FUBP3: variants seen among roughly 807,000 people sequenced by gnomAD.
FUBP3 encodes far upstream element binding protein 3, also known as far upstream element-binding protein 3.
FUBP3 carries 28 observed loss-of-function variants against 85.6 expected under a neutral mutation model. The ratio of observed to expected loss-of-function variants is 0.33; its 90% CI spans 0.24 to 0.45. The LOEUF is 0.45. Among genes scored for constraint, FUBP3 ranks in the 20% least tolerant of loss-of-function variants. The pLI, the probability that FUBP3 is intolerant of heterozygous loss-of-function variation, is 1.00. For missense variants in FUBP3, 583 were observed against 755.1 expected (o/e 0.77, Z 2.67); for synonymous variants, 271 against 271.4 (o/e 1.00, Z 0.01).
chr9:130,590,357 C>T (rs1017141320), intron 1 of FUBP3, among the ~76,000 whole-genome samples: 1 of 152,222 alleles, frequency 6.6e-6, no homozygotes, highest in Admixed American at 6.5e-5. Context: ...GGACTGTTGA[C>T]TGATTCCTGG....
intron 2 of FUBP3, among the ~76,000 whole-genome samples, chr9:130,604,551 A>G (rs567649673): frequency 1.3e-5 from 2 of 152,262 alleles, no homozygotes; most frequent in South Asian, 4.1e-4. Context: ...ACCTGATGAT[A>G]CCTGCCTCAT....
At chr9:130,628,903 T>G (rs993099525) in intron 12 of FUBP3, among the ~76,000 whole-genome samples, 21 of 152,166 alleles carry the variant, frequency 1.4e-4, no homozygotes, top group African/African-American at 4.3e-4. Context: ...CCGAGTAGCT[T>G]GGATTACAGG....
intron 2 of FUBP3, among the ~76,000 whole-genome samples, chr9:130,602,137 C>T (rs1387970602): frequency 6.6e-6 from 1 of 152,082 alleles, no homozygotes; most frequent in Non-Finnish European, 1.5e-5. Context: ...TTCTGAGTAG[C>T]ATGTGTATCC....
chr9:130,605,310 C>A (rs896346798), intron 2 of FUBP3, among the ~76,000 whole-genome samples: 1 of 152,198 alleles, frequency 6.6e-6, no homozygotes, highest in Admixed American at 6.5e-5. Flanking sequence ...ACTGTTGTAT[C>A]CTCAGGTCCT....
intron 2 of FUBP3, among the ~76,000 whole-genome samples, chr9:130,609,568 A>G (rs987317827): frequency 3.9e-5 from 6 of 152,218 alleles, no homozygotes; most frequent in African/African-American, 1.4e-4. Flanking sequence ...CAAGGAGGGT[A>G]AATCTTCTCA....
rs923912522 is a variant in FUBP3 at position 130,607,248 on chromosome 9, A to G, written c.191-2706A>G. Among the ~76,000 whole-genome samples the G allele has an allele frequency of 8.6e-5, 13 of 151,860 alleles. No homozygotes were observed. The East Asian group carries it at 2.5e-3, about 29-fold the overall frequency. ...TGGCCTCCCAAAGTGCTGGGATTAC[A>G]GGCATGAGTGACAGCACCTGACCTG... On this transcript the variant is annotated intron_variant, in intron 2 of 18. Coordinates refer to ENST00000319725, the MANE Select transcript of FUBP3 (RefSeq NM_003934.2).
Position 130,637,039 on chromosome 9 carries a change from C to T in FUBP3, c.*17C>T, listed in dbSNP as rs755389850. The T allele has an allele frequency of 3.7e-6, 6 of 1,604,596 alleles. No individual in the cohort carries two copies. Among genetic ancestry groups the T allele is most frequent in the Non-Finnish European group, 5.1e-6 (6 of 1,171,378 alleles). Reference sequence around the variant, plus strand: ...GAGCAGTAGGACAGCGTCCTCGTGGCCAACTCTCCCCTCAAAATCATTGTC... The same window carrying T: ...GAGCAGTAGGACAGCGTCCTCGTGGTCAACTCTCCCCTCAAAATCATTGTC... On this transcript the variant is annotated 3_prime_UTR_variant, in exon 19 of 19. Coordinates refer to ENST00000319725, the MANE Select transcript of FUBP3 (RefSeq NM_003934.2).
At chr9:130,585,964 C>G (rs527940484) in intron 1 of FUBP3, among the ~76,000 whole-genome samples, 1 of 152,242 alleles carries the variant, frequency 6.6e-6, no homozygotes, top group African/African-American at 2.4e-5. Flanking sequence ...TGAAAATGTT[C>G]TGCATTTGGA....
At position 130,609,549 on chromosome 9, in the gene FUBP3, CAA is replaced by C. The variant is rs374160129; in HGVS notation, c.191-404_191-403del. Among the ~76,000 whole-genome samples, 35 of 152,302 alleles carry C rather than the reference CAA, an allele frequency of 2.3e-4. No homozygotes were observed. In the South Asian group the frequency reaches 7.3e-3, roughly 32 times the overall value. On this transcript the variant is annotated intron_variant, in intron 2 of 18. Transcript: ENST00000319725. The stretch of plus-strand genomic sequence containing the variant: ...ACAGCTGCTGTGGAGCAGTCCTTAA[CAA>C]TGCATCCAAGGAGGGTAAATCTTCT...
chr9:130,621,904 CAAAAA>C (rs904626026), intron 9 of FUBP3, among the ~76,000 whole-genome samples: 1 of 134,302 alleles, frequency 7.4e-6, no homozygotes, highest in East Asian at 2.2e-4. Context: ...GACTCTGTCT[CAAAAA>C]AAAAGAAAAA....
At chr9:130,582,296 A>T (rs551065153) in intron 1 of FUBP3, among the ~76,000 whole-genome samples, 1 of 152,094 alleles carries the variant, frequency 6.6e-6, no homozygotes, top group African/African-American at 2.4e-5. Context: ...ACTAAAAATT[A>T]AAAAAATTAG....
At chr9:130,591,624 C>G (rs1471078991) in intron 1 of FUBP3, among the ~76,000 whole-genome samples, 1 of 152,114 alleles carries the variant, frequency 6.6e-6, no homozygotes, top group Non-Finnish European at 1.5e-5. Flanking sequence ...AACTCATACC[C>G]AGCATTTGTT....
chr9:130,612,842 C>A lies in FUBP3; in HGVS notation c.275-114C>A. 1.3e-6 allele frequency: 1 copy of A among 756,700 alleles called. No individual in the cohort carries two copies. The allele number at this position is 756,700 out of a possible 1,614,324, so 46.9% of individuals were successfully genotyped here. On this transcript the variant is annotated intron_variant, in intron 4 of 18. Coordinates refer to ENST00000319725, the MANE Select transcript of FUBP3 (RefSeq NM_003934.2). The surrounding 1 kb of genome is among the most constrained non-coding windows in gnomAD (Gnocchi z 4.1). ...GGAGATGGGCTCACGGGGGCCAACT[C>A]GATGTGTAGTATTGTGAGCCAAGTG... is the stretch of plus-strand genomic sequence containing the variant.
intron 11 of FUBP3, among the ~76,000 whole-genome samples, chr9:130,626,033 G>C (rs1829957200): frequency 6.6e-6 from 1 of 152,180 alleles, no homozygotes; most frequent in African/African-American, 2.4e-5. Context: ...AGTTCTTGAT[G>C]CCTGTAGATC....
chr9:130,622,838 G>C, intron 10 of FUBP3, 28 bp downstream of exon 10: 1 of 1,041,796 alleles, frequency 9.6e-7, no homozygotes, highest in Non-Finnish European at 1.4e-6. Context: ...AAAATCCTTA[G>C]TGTTAAAAAA....
Position 130,625,039 on chromosome 9 carries a change from G to A in FUBP3, c.976-1325G>A, listed in dbSNP as rs565312654. On this transcript the variant is annotated intron_variant, in intron 11 of 18. Coordinates refer to ENST00000319725, the MANE Select transcript of FUBP3 (RefSeq NM_003934.2). ...GTTCAAGACCAACATGGTGAGACCC[G>A]TCCCTACTAAAAATACAAAATTAGC... Among the ~76,000 whole-genome samples, 13 of 152,274 alleles carry A rather than the reference G, an allele frequency of 8.5e-5. 1 individual carries two copies. Among genetic ancestry groups the A allele is most frequent in the African/African-American group, 2.6e-4 (11 of 41,566 alleles).
Position 130,632,211 on chromosome 9 carries a change from G to A in FUBP3, c.1443G>A (p.Pro481=), listed in dbSNP as rs778084816. Residue 481 remains proline (P), a synonymous_variant, in exon 16 of 19, where the codon CCG becomes CCA. Transcript: ENST00000319725. The stretch of plus-strand genomic sequence containing the variant: ...CTCTTGTTATCCACAGTGGTCCTCC[G>A]GCCTTTCTGACCCAGGGCTGGGGCA... ...NPHSTPVSGP[P]AFLTQGWGST... is the part of the protein sequence containing the mutation. 37 of 1,613,730 alleles carry A rather than the reference G, an allele frequency of 2.3e-5. No individual in the cohort carries two copies. The highest frequency in any genetic ancestry group is 1.6e-4 in the Middle Eastern group (1 of 6,082).
At chr9:130,630,117 G>A (rs140082873) in intron 12 of FUBP3, among the ~76,000 whole-genome samples, 1 of 152,208 alleles carries the variant, frequency 6.6e-6, no homozygotes, top group Non-Finnish European at 1.5e-5. Context: ...CTGAAGGCCC[G>A]AGTGGGCTCC....
chr9:130,604,381 G>C (rs920467188), intron 2 of FUBP3, among the ~76,000 whole-genome samples: 4 of 152,176 alleles, frequency 2.6e-5, no homozygotes, highest in African/African-American at 9.7e-5. Flanking sequence ...TTGAACCTGG[G>C]TCTCTGTCTC....
Sources: gnomAD v4.1 joint callset for allele counts (sites outside exome capture counted in the v4.1 genomes callset) on GRCh38, gnomAD v4.1.1 for gene constraint, Gnocchi (gnomAD v3.1) non-coding constraint, MANE v1.5 for transcripts, NCBI Gene and HGNC (gene_info 2026-07-23, HGNC 2026-07-21) for gene names.